Variants in L3MBTL4 observed in about 807,000 individuals in gnomAD.
The protein encoded by L3MBTL4 is L3MBTL histone methyl-lysine binding protein 4, also known as lethal(3)malignant brain tumor-like protein 4.
L3MBTL4 carries 70 observed loss-of-function variants against 84.5 expected under a neutral mutation model. That is an observed-to-expected ratio of 0.83 (90% CI 0.68 to 1.01). The LOEUF (loss-of-function observed/expected upper bound fraction) is 1.01. Among genes scored for constraint, L3MBTL4 ranks in the 50% least tolerant of loss-of-function variants. L3MBTL4 has a pLI of 0.00. For missense variants in L3MBTL4, 715 were observed against 754.8 expected, an observed-to-expected ratio of 0.95 and a Z score of 0.62; for synonymous variants, 274 against 259.8, an observed-to-expected ratio of 1.05 and a Z score of -0.52.
intron 15 of L3MBTL4, among the ~76,000 whole-genome samples, chr18:6,090,017 T>C (rs11663902): frequency 6.6e-6 from 1 of 152,150 alleles, no homozygotes; most frequent in East Asian, 1.9e-4. Flanking sequence ...CTATAAATGG[T>C]TAAATGGATT....
At chr18:6,248,374 C>A (rs1349889169) in intron 5 of L3MBTL4, among the ~76,000 whole-genome samples, 1 of 152,194 alleles carries the variant, frequency 6.6e-6, no homozygotes, top group Non-Finnish European at 1.5e-5. Context: ...CCTATTTGTT[C>A]TCTCTTCAGT....
chr18:6,235,405 T>TAAC (rs2047177412), intron 10 of L3MBTL4, among the ~76,000 whole-genome samples: 1 of 152,126 alleles, frequency 6.6e-6, no homozygotes, highest in Non-Finnish European at 1.5e-5. Context: ...TTTCTAATAA[T>TAAC]AACCAAAAGG....
chr18:6,177,737 T>G (rs906297560), intron 12 of L3MBTL4, among the ~76,000 whole-genome samples: 3 of 152,178 alleles, frequency 2.0e-5, no homozygotes, highest in Non-Finnish European at 4.4e-5. Flanking sequence ...CCAGGCACCC[T>G]AGGACTGTCA....
At chr18:6,079,225 G>A (rs373752764) in intron 16 of L3MBTL4, among the ~76,000 whole-genome samples, 36 of 152,218 alleles carry the variant, frequency 2.4e-4, no homozygotes, top group African/African-American at 7.7e-4. Context: ...GAAAGCAGGC[G>A]TTAACCACAG....
chr18:6,405,668 G>A (rs557872189), intron 1 of L3MBTL4, among the ~76,000 whole-genome samples: 5 of 152,274 alleles, frequency 3.3e-5, no homozygotes, highest in African/African-American at 4.8e-5. Flanking sequence ...GGCTGGGCCC[G>A]AGGGCCCCCT....
At chr18:5,967,741 G>C (rs891196055) in intron 17 of L3MBTL4, among the ~76,000 whole-genome samples, 1 of 152,244 alleles carries the variant, frequency 6.6e-6, no homozygotes, top group Non-Finnish European at 1.5e-5. Flanking sequence ...TGGAGCCCCA[G>C]GCTGCTGCTG....
intron 14 of L3MBTL4, among the ~76,000 whole-genome samples, chr18:6,123,126 C>T (rs1410161123): frequency 2.6e-5 from 4 of 152,116 alleles, no homozygotes; most frequent in Non-Finnish European, 5.9e-5. Flanking sequence ...GTTCTTGCTG[C>T]TAGCAATAGT....
intron 10 of L3MBTL4, among the ~76,000 whole-genome samples, chr18:6,230,012 T>C (rs1337312450): frequency 2.0e-5 from 3 of 152,168 alleles, no homozygotes; most frequent in Non-Finnish European, 4.4e-5. Context: ...ATTCTCAAAA[T>C]GTCTTTGGAA....
At chr18:6,172,340 T>C (rs2044015780) in intron 12 of L3MBTL4, among the ~76,000 whole-genome samples, 1 of 152,152 alleles carries the variant, frequency 6.6e-6, no homozygotes, top group South Asian at 2.1e-4. Flanking sequence ...AACTTGACAT[T>C]AGTACAAGTG....
chr18:6,185,925 T>C (rs966698425), intron 12 of L3MBTL4, among the ~76,000 whole-genome samples: 4 of 151,324 alleles, frequency 2.6e-5, no homozygotes, highest in Non-Finnish European at 5.9e-5. Flanking sequence ...GAAGACTGAA[T>C]AGGTGGCAGA....
rs116441498 is a variant in L3MBTL4 at position 6,106,346 on chromosome 18, C to A, written c.1200-12818G>T. On this transcript the variant is annotated intron_variant, in intron 14 of 18. Transcript: ENST00000317931. ...GATATTAACATATTTATATAACACC[C>A]TTGGTATTGGTGGTTGTATATGGAG... Among the ~76,000 whole-genome samples the A allele has an allele frequency of 4.2e-3, 647 of 152,280 alleles. 7 individuals carry two copies. The highest frequency in any genetic ancestry group is 0.015 in the African/African-American group (623 of 41,558).
intron 4 of L3MBTL4, among the ~76,000 whole-genome samples, chr18:6,267,627 TC>T (rs1156475321): frequency 6.6e-6 from 1 of 152,262 alleles, no homozygotes; most frequent in Non-Finnish European, 1.5e-5. Flanking sequence ...ACAGCTGTGT[TC>T]TTTAAAAGAT....
At chr18:6,356,042 A>G (rs2053430957) in intron 1 of L3MBTL4, among the ~76,000 whole-genome samples, 1 of 152,186 alleles carries the variant, frequency 6.6e-6, no homozygotes, top group African/African-American at 2.4e-5. Flanking sequence ...CTCAAAAAAG[A>G]GGCCTGAACT....
chr18:6,277,261 C>T (rs962598717), intron 4 of L3MBTL4, among the ~76,000 whole-genome samples: 7 of 151,984 alleles, frequency 4.6e-5, no homozygotes, highest in African/African-American at 1.7e-4. Context: ...ACAATGTGCA[C>T]ATGTACCCTA....
At chr18:6,131,392 G>C (rs1476277524) in intron 14 of L3MBTL4, among the ~76,000 whole-genome samples, 1 of 152,022 alleles carries the variant, frequency 6.6e-6, no homozygotes, top group African/African-American at 2.4e-5. Context: ...TTGTTCTGTT[G>C]TTTTCTTTTA....
intron 1 of L3MBTL4, among the ~76,000 whole-genome samples, chr18:6,345,479 A>G (rs2052852608): frequency 6.6e-6 from 1 of 152,190 alleles, no homozygotes; most frequent in African/African-American, 2.4e-5. Flanking sequence ...AAAATTCGGT[A>G]AATTTGCAGA....
At chr18:6,351,138 G>C (rs922099170) in intron 1 of L3MBTL4, among the ~76,000 whole-genome samples, 2 of 152,070 alleles carry the variant, frequency 1.3e-5, no homozygotes, top group African/African-American at 4.8e-5. Flanking sequence ...GGAGGTTGCA[G>C]TGAGCCAAAA....
At chr18:6,298,041 G>T (rs1203375022) in intron 4 of L3MBTL4, among the ~76,000 whole-genome samples, 1 of 152,102 alleles carries the variant, frequency 6.6e-6, no homozygotes, top group Admixed American at 6.5e-5. Context: ...ATATCATTAG[G>T]AGAAATGTCA....
At chr18:6,392,238 A>G (rs1297489321) in intron 1 of L3MBTL4, among the ~76,000 whole-genome samples, 1 of 152,200 alleles carries the variant, frequency 6.6e-6, no homozygotes, top group Non-Finnish European at 1.5e-5. Context: ...AAATTGGAGA[A>G]AGGACACCCT....
Sources: allele counts gnomAD v4.1 joint callset (sites outside exome capture counted in the v4.1 genomes callset), GRCh38; gene constraint gnomAD v4.1.1; transcripts MANE v1.5; gene names NCBI Gene and HGNC (gene_info 2026-07-23, HGNC 2026-07-21).